APC: variants seen among roughly 807,000 people sequenced by gnomAD.
APC encodes the protein adenomatous polyposis coli protein.
APC carries 72 observed loss-of-function variants against 247.0 expected under a neutral mutation model. The observed-to-expected ratio is 0.29, with a 90% CI of 0.24 to 0.35. The LOEUF is 0.35. Ranked by LOEUF, APC falls within the 10% of genes least tolerant of loss-of-function variation. The pLI is 1.00. For synonymous variants in APC, 1,254 were observed against 1,162.5 expected, an observed-to-expected ratio of 1.08 and a Z score of -1.60; for missense variants, 3,400 against 3,360.7, an observed-to-expected ratio of 1.01 and a Z score of -0.29.
chr5:112,811,410 A>G (rs1482598441), intron 8 of APC, among the ~76,000 whole-genome samples: 2 of 152,120 alleles, frequency 1.3e-5, no homozygotes, highest in African/African-American at 4.8e-5. Context: ...GGATAGGGAG[A>G]CTCTAGTCCC....
chr5:112,823,757 C>T (rs1194422207), intron 11 of APC, among the ~76,000 whole-genome samples: 1 of 152,140 alleles, frequency 6.6e-6, no homozygotes, highest in East Asian at 1.9e-4. Context: ...ATGATTAAGA[C>T]CTGGTCCTGG....
At chr5:112,731,615 G>A (rs374010721) in intron 1 of APC, among the ~76,000 whole-genome samples, 4 of 152,198 alleles carry the variant, frequency 2.6e-5, no homozygotes, top group East Asian at 1.9e-4. Context: ...TACTCAAATC[G>A]TGGTAAACAT....
intron 11 of APC, among the ~76,000 whole-genome samples, chr5:112,823,769 T>C (rs936151145): frequency 5.3e-5 from 8 of 152,206 alleles, no homozygotes; most frequent in African/African-American, 1.7e-4. Flanking sequence ...TGGTCCTGGC[T>C]TTCAGGGAAC....
chr5:112,818,252 G>A (rs1580523897), intron 9 of APC, among the ~76,000 whole-genome samples: 1 of 152,116 alleles, frequency 6.6e-6, no homozygotes, highest in East Asian at 1.9e-4. Flanking sequence ...GTGGACCATG[G>A]CCCAGGATAA....
rs987999780 is a variant in APC, at chr5:112,839,554, G to C, written c.3960G>C (p.Val1320=). 6.8e-6 allele frequency: 11 copies of C among 1,614,072 alleles called. No individual in the cohort carries two copies. The South Asian group carries it at 8.8e-5, about 13-fold the overall frequency. ...GAACTAGGTCAGCTGAAGATCCTGT[G>C]AGCGAAGTTCCAGCAGTGTCACAGC... ...KIGTRSAEDP[V]SEVPAVSQHP... is the part of the protein sequence containing the mutation. Residue 1320 remains valine, a synonymous_variant, in exon 16 of 16, where the codon GTG becomes GTC. Coordinates refer to ENST00000257430, the MANE Select transcript of APC (RefSeq NM_000038.6). This position sits in a 1 kb window ranked among gnomAD's most constrained non-coding sequence, Gnocchi z 5.0.
At chr5:112,817,016 G>A (rs1330125430) in intron 9 of APC, among the ~76,000 whole-genome samples, 3 of 151,324 alleles carry the variant, frequency 2.0e-5, no homozygotes, top group African/African-American at 4.9e-5. Context: ...TTACAGGTGC[G>A]TGCCACCATG....
intron 1 of APC, among the ~76,000 whole-genome samples, chr5:112,717,087 T>G (rs1344000843): frequency 1.3e-5 from 2 of 152,156 alleles, no homozygotes; most frequent in East Asian, 3.9e-4. Context: ...CTTGGCTCAC[T>G]GCAACCTCTG....
chr5:112,836,237 G>C (rs1447886000), intron 15 of APC, among the ~76,000 whole-genome samples: 1 of 145,502 alleles, frequency 6.9e-6, no homozygotes, highest in Non-Finnish European at 1.5e-5. Flanking sequence ...CACCATGTTG[G>C]CCAGGCTGGC....
intron 1 of APC, among the ~76,000 whole-genome samples, chr5:112,721,885 T>A (rs932490546): frequency 1.3e-5 from 2 of 151,840 alleles, no homozygotes; most frequent in South Asian, 4.2e-4. Flanking sequence ...TGAAAAAAAA[T>A]TGCAGGAAAA....
At chr5:112,760,743 C>G (rs1293056410) in intron 2 of APC, among the ~76,000 whole-genome samples, 1 of 151,974 alleles carries the variant, frequency 6.6e-6, no homozygotes, top group Non-Finnish European at 1.5e-5. Flanking sequence ...TATAGAGAGA[C>G]ACACTCAAGG....
chr5:112,715,750 C>G (rs1417568627), intron 1 of APC, among the ~76,000 whole-genome samples: 1 of 151,868 alleles, frequency 6.6e-6, no homozygotes, highest in East Asian at 1.9e-4. Context: ...ATTTAGAGTA[C>G]CTGTCATCTT....
chr5:112,827,314 A>G (rs1763806528), intron 12 of APC, 67 bp downstream of exon 12: 5 of 1,562,810 alleles, frequency 3.2e-6, no homozygotes, highest in Non-Finnish European at 4.4e-6. Context: ...TCATACAAAT[A>G]CATTTTACTG....
intron 6 of APC, among the ~76,000 whole-genome samples, chr5:112,789,857 ATT>A (rs71626674): frequency 4.8e-5 from 7 of 147,364 alleles, no homozygotes; most frequent in South Asian, 2.1e-4. Context: ...CTTAAAGAAT[ATT>A]TTTTTTTTTT....
At chr5:112,755,613 C>T (rs1348381936) in intron 2 of APC, among the ~76,000 whole-genome samples, 1 of 152,170 alleles carries the variant, frequency 6.6e-6, no homozygotes, top group Non-Finnish European at 1.5e-5. Context: ...TCCATGGCAC[C>T]TTCAAGCCCT....
intron 8 of APC, among the ~76,000 whole-genome samples, chr5:112,805,269 C>T (rs1372383434): frequency 6.6e-6 from 1 of 152,058 alleles, no homozygotes; most frequent in Non-Finnish European, 1.5e-5. Flanking sequence ...TCTTGATTTC[C>T]GTTGTATGGT....
intron 15 of APC, among the ~76,000 whole-genome samples, chr5:112,836,158 T>C (rs1347360802): frequency 1.4e-5 from 1 of 70,714 alleles, no homozygotes; most frequent in Non-Finnish European, 3.1e-5. Flanking sequence ...GTAGCTGGGA[T>C]TACAGGTCCC....
chr5:112,738,518 G>C, intron 1 of APC: 1 of 983,816 alleles, frequency 1.0e-6, no homozygotes, highest in Non-Finnish European at 1.2e-6. Flanking sequence ...CCAGTAGTGT[G>C]CCTGCTTTTG....
Position 112,840,662 on chromosome 5 carries a change from A to G in APC, c.5068A>G (p.Ile1690Val), listed in dbSNP as rs201142277. ...QSGEFEKRDT[I>V]PTEGRSTDEA... Reference sequence around the variant, plus strand: ...AGGTGAATTTGAAAAACGAGATACCATTCCTACAGAAGGCAGAAGTACAGA... The same window carrying G: ...AGGTGAATTTGAAAAACGAGATACCGTTCCTACAGAAGGCAGAAGTACAGA... The change falls in exon 16 of 16, where the codon ATT becomes GTT. Residue 1690 changes from isoleucine (I) to valine (V), a missense_variant. Around this residue, in one of 9 missense-constraint regions of APC, gnomAD observed 1,788 missense variants for 1,649.5 expected, o/e 1.08. Transcript: ENST00000257430. The surrounding 1 kb of genome is among the most constrained non-coding windows in gnomAD (Gnocchi z 4.1). The G allele has an allele frequency of 3.7e-6, 6 of 1,614,008 alleles. No homozygotes were observed. The African/African-American group carries it at 6.7e-5, about 18-fold the overall frequency.
intron 1 of APC, among the ~76,000 whole-genome samples, chr5:112,723,086 C>T (rs922789023): frequency 1.3e-5 from 2 of 151,738 alleles, no homozygotes; most frequent in African/African-American, 2.4e-5. Context: ...AAAAGGAGGA[C>T]AGGAGAAGGC....
Sources: gnomAD v4.1 joint callset for allele counts (sites outside exome capture counted in the v4.1 genomes callset) on GRCh38, gnomAD v4.1.1 for gene constraint, gnomAD v4.1.1 regional missense constraint, Gnocchi (gnomAD v3.1) non-coding constraint, MANE v1.5 for transcripts, NCBI Gene and HGNC (gene_info 2026-07-23, HGNC 2026-07-21) for gene names.